Variants in PIGK observed in about 807,000 individuals in gnomAD.
The protein encoded by PIGK is phosphatidylinositol glycan anchor biosynthesis class K, also known as GPI-anchor transamidase.
A neutral mutation model predicts 50.6 loss-of-function variants in PIGK; 42 were observed. The ratio of observed to expected loss-of-function variants is 0.83; its 90% CI spans 0.65 to 1.07. PIGK has a LOEUF of 1.07. Among genes scored for constraint, PIGK ranks in the 50% least tolerant of loss-of-function variants. The pLI, the probability that PIGK is intolerant of heterozygous loss-of-function variation, is 0.00. For synonymous variants in PIGK, 151 were observed against 156.0 expected (o/e 0.97, Z 0.24); for missense variants, 448 against 488.7 (o/e 0.92, Z 0.78).
chr1:77,141,472 A>C (rs1654648782), intron 9 of PIGK, among the ~76,000 whole-genome samples: 1 of 152,182 alleles, frequency 6.6e-6, no homozygotes, highest in African/African-American at 2.4e-5. Context: ...CGCTTCCCTT[A>C]GTAAAAGTAC....
At chr1:77,117,638 G>C (rs541703036) in intron 10 of PIGK, among the ~76,000 whole-genome samples, 1 of 152,282 alleles carries the variant, frequency 6.6e-6, no homozygotes, top group East Asian at 1.9e-4. Flanking sequence ...TAGGGCTCCT[G>C]TGTGATGGAA....
intron 9 of PIGK, among the ~76,000 whole-genome samples, chr1:77,127,542 A>C (rs1654260039): frequency 6.6e-6 from 1 of 152,210 alleles, no homozygotes; most frequent in Non-Finnish European, 1.5e-5. Context: ...CAAATAAATA[A>C]ACATAAAATT....
Position 77,219,396 on chromosome 1 carries a change from C to T in PIGK, c.7G>A (p.Val3Ile). Residue 3 changes from valine to isoleucine, a missense_variant, in exon 1 of 11, where the codon GTC becomes ATC. Coordinates refer to ENST00000370812, the MANE Select transcript of PIGK (RefSeq NM_005482.3). ...GCAGCCCGGCTGAGGCTGTCGGTGA[C>T]GGCCATGTTTACCGGCTTCAGACTT... The part of the protein sequence containing the change: MA[V>I]TDSLSRAATV... 6.2e-7 allele frequency: 1 copy of T among 1,613,162 alleles called. No homozygotes were observed. The highest frequency in any genetic ancestry group is 8.5e-7 in the Non-Finnish European group (1 of 1,179,498).
chr1:77,166,266 C>T (rs1655230877), intron 5 of PIGK, among the ~76,000 whole-genome samples: 2 of 152,018 alleles, frequency 1.3e-5, no homozygotes, highest in Admixed American at 6.6e-5. Context: ...TTTCATGAAT[C>T]CCAACCCAGA....
At chr1:77,095,461 A>G (rs1041077824) in intron 10 of PIGK, among the ~76,000 whole-genome samples, 3 of 152,148 alleles carry the variant, frequency 2.0e-5, no homozygotes, top group Non-Finnish European at 4.4e-5. Flanking sequence ...GTGCTTATGC[A>G]GTAGAAAGAT....
intron 3 of PIGK, among the ~76,000 whole-genome samples, chr1:77,177,712 T>A (rs1346978030): frequency 6.6e-6 from 1 of 152,074 alleles, no homozygotes; most frequent in Non-Finnish European, 1.5e-5. Flanking sequence ...TGAGTTAGGA[T>A]CTCCCCGACT....
chr1:77,175,327 A>G (rs1655458428), intron 3 of PIGK, among the ~76,000 whole-genome samples: 1 of 152,186 alleles, frequency 6.6e-6, no homozygotes, highest in Non-Finnish European at 1.5e-5. Context: ...AGGATCCTGT[A>G]TGGTAAATTC....
chr1:77,153,043 A>G (rs981744195), intron 9 of PIGK, among the ~76,000 whole-genome samples: 3 of 152,188 alleles, frequency 2.0e-5, no homozygotes, highest in African/African-American at 7.2e-5. Flanking sequence ...AAATCAGTAT[A>G]CTGAAGAGTT....
chr1:77,097,141 C>T (rs1248389137), intron 10 of PIGK, among the ~76,000 whole-genome samples: 5 of 151,922 alleles, frequency 3.3e-5, no homozygotes, highest in South Asian at 4.2e-4. Flanking sequence ...TGGAAAGCTT[C>T]GGGTTTTTCT....
intron 1 of PIGK, among the ~76,000 whole-genome samples, chr1:77,215,256 C>T (rs769649632): frequency 2.6e-5 from 4 of 151,956 alleles, no homozygotes; most frequent in Non-Finnish European, 5.9e-5. Context: ...TAATTAAAAA[C>T]GAGCAAAGGA....
intron 3 of PIGK, among the ~76,000 whole-genome samples, chr1:77,180,385 A>AGTT (rs10641201): frequency 0.013 from 1,930 of 152,018 alleles, 40 homozygotes; most frequent in African/African-American, 0.044. Flanking sequence ...CCTATTAGTT[A>AGTT]AAAAAAATGG....
At chr1:77,177,353 C>T (rs1228215997) in intron 3 of PIGK, among the ~76,000 whole-genome samples, 1 of 152,188 alleles carries the variant, frequency 6.6e-6, no homozygotes, top group Non-Finnish European at 1.5e-5. Flanking sequence ...GTGGGTTTAC[C>T]AGAATAAGGG....
chr1:77,162,550 G>A (rs997175315), intron 6 of PIGK, among the ~76,000 whole-genome samples: 1 of 152,134 alleles, frequency 6.6e-6, no homozygotes, highest in Admixed American at 6.6e-5. Flanking sequence ...GAGAAACCAT[G>A]AAAGGTTTTT....
chr1:77,150,862 C>T (rs886406905), intron 9 of PIGK, among the ~76,000 whole-genome samples: 1 of 152,030 alleles, frequency 6.6e-6, no homozygotes, highest in Non-Finnish European at 1.5e-5. Context: ...TAAAAAATCT[C>T]CCATCAAAGA....
At chr1:77,114,187 T>C (rs1423495831) in intron 10 of PIGK, among the ~76,000 whole-genome samples, 1 of 152,126 alleles carries the variant, frequency 6.6e-6, no homozygotes, top group African/African-American at 2.4e-5. Flanking sequence ...ACCACAGTAG[T>C]TAAGAAGATA....
At position 77,121,790 on chromosome 1, in the gene PIGK, A is replaced by G. The variant is rs146165348; in HGVS notation, c.1071+485T>C. On this transcript the variant is annotated intron_variant, in intron 10 of 10. Coordinates refer to ENST00000370812, the MANE Select transcript of PIGK (RefSeq NM_005482.3). ...ACAGTTATGTAGAACGGATGATAAA[A>G]TCATTATAATTGGAAATGAACAAAT... 1.4e-4 allele frequency among the ~76,000 whole-genome samples: 22 copies of G among 152,338 alleles called. No individual in the cohort carries two copies. The South Asian group carries it at 4.3e-3, about 30-fold the overall frequency.
chr1:77,180,803 T>G (rs1471353275), intron 3 of PIGK, among the ~76,000 whole-genome samples: 1 of 152,072 alleles, frequency 6.6e-6, no homozygotes, highest in Non-Finnish European at 1.5e-5. Context: ...AAGGAGGCAA[T>G]CAGATATAGA....
intron 3 of PIGK, among the ~76,000 whole-genome samples, chr1:77,188,566 T>C (rs937766404): frequency 4.6e-5 from 7 of 151,488 alleles, no homozygotes; most frequent in South Asian, 2.1e-4. Context: ...TCCTGTGATC[T>C]CGCCCTGCCT....
intron 1 of PIGK, among the ~76,000 whole-genome samples, chr1:77,212,890 C>T (rs1006087532): frequency 2.0e-5 from 3 of 152,064 alleles, no homozygotes; most frequent in Non-Finnish European, 2.9e-5. Flanking sequence ...CTCCATTGGA[C>T]GGATCATCTG....
Sources: gnomAD v4.1 joint callset for allele counts (sites outside exome capture counted in the v4.1 genomes callset) on GRCh38, gnomAD v4.1.1 for gene constraint, MANE v1.5 for transcripts, NCBI Gene and HGNC (gene_info 2026-07-23, HGNC 2026-07-21) for gene names.